The following MINDY4B variants were observed in gnomAD, a reference collection of about 807,000 sequenced individuals.
MINDY4B encodes the protein inactive ubiquitin carboxyl-terminal hydrolase MINDY-4B.
MINDY4B carries 25 observed loss-of-function variants against 16.7 expected under a neutral mutation model. The observed-to-expected ratio is 1.49, with a 90% CI of 1.09 to 2.09. The LOEUF (loss-of-function observed/expected upper bound fraction) is 2.09. MINDY4B is among the 30% of genes most tolerant of loss of function. MINDY4B has a pLI of 0.00. For missense variants in MINDY4B, 327 were observed against 168.4 expected, an observed-to-expected ratio of 1.94 and a Z score of -5.21; for synonymous variants, 132 against 61.9, an observed-to-expected ratio of 2.13 and a Z score of -5.32.
At chr3:150,884,680 C>A (rs1711579275) in intron 8 of MINDY4B, among the ~76,000 whole-genome samples, 1 of 152,170 alleles carries the variant, frequency 6.6e-6, no homozygotes, top group South Asian at 2.1e-4. Flanking sequence ...GCTTCAGGAC[C>A]ACTGCCGCAG....
rs573915143 is a variant in MINDY4B, at chr3:150,896,811, C to T, written c.310-2506G>A. On this transcript the variant is annotated intron_variant, in intron 3 of 11. Transcript: ENST00000465419. The stretch of plus-strand genomic sequence containing the variant: ...GGGGGTGAAATCTATCTAATTAATA[C>T]TTTTCACCAGCTTGGGACACATTTT... Among the ~76,000 whole-genome samples the T allele has an allele frequency of 2.6e-3, 403 of 152,302 alleles. 1 individual carries two copies. Among genetic ancestry groups the T allele is most frequent in the African/African-American group, 9.0e-3 (372 of 41,554 alleles).
chr3:150,898,136 A>G (rs990211277), intron 3 of MINDY4B, among the ~76,000 whole-genome samples: 11 of 152,230 alleles, frequency 7.2e-5, no homozygotes, highest in Non-Finnish European at 1.0e-4. Context: ...TTTGGGAACC[A>G]TAAGTGCTAA....
chr3:150,896,525 A>G (rs1458706327), intron 3 of MINDY4B, among the ~76,000 whole-genome samples: 2 of 152,170 alleles, frequency 1.3e-5, no homozygotes, highest in East Asian at 1.9e-4. Context: ...TGTCAGAAGG[A>G]AAGTCTAGGG....
At chr3:150,875,040 G>A (rs922776923) in intron 10 of MINDY4B, among the ~76,000 whole-genome samples, 4 of 152,316 alleles carry the variant, frequency 2.6e-5, no homozygotes, top group Non-Finnish European at 5.9e-5. Context: ...GTAGGTACAG[G>A]ATTTGTTGGA....
At position 150,894,209 on chromosome 3, in the gene MINDY4B, C is replaced by T; in HGVS notation, c.406G>A (p.Ala136Thr). ...ACCTTTCCCACTTCCAGAGTGAAAG[C>T]TAGTTCAGAAGAAGGATCATGGAAC... ...FRFHDPSSEL[A>T]FTLEVGKGGA... Residue 136 changes from alanine (A) to threonine (T), a missense_variant, in exon 4 of 12, where the codon GCT (alanine) becomes ACT (threonine). By Grantham distance (58) the Ala-to-Thr change is moderately conservative. Transcript: ENST00000465419. 1.4e-6 allele frequency: 1 copy of T among 699,702 alleles called. No individual in the cohort carries two copies. Among genetic ancestry groups the T allele is most frequent in the Non-Finnish European group, 2.6e-6 (1 of 384,050 alleles). 43.3% of individuals were successfully genotyped at this position (699,702 alleles called of 1,614,324 possible).
At chr3:150,883,324 T>G (rs1248516815) in intron 9 of MINDY4B, among the ~76,000 whole-genome samples, 1 of 152,208 alleles carries the variant, frequency 6.6e-6, no homozygotes, top group African/African-American at 2.4e-5. Context: ...TTTTAAACGT[T>G]GTTTTCCATG....
chr3:150,895,795 C>T (rs1711946645), intron 3 of MINDY4B, among the ~76,000 whole-genome samples: 1 of 152,170 alleles, frequency 6.6e-6, no homozygotes, highest in African/African-American at 2.4e-5. Flanking sequence ...TTCTTTCCTT[C>T]ATCTTAACTT....
chr3:150,886,371 G>T (rs749252034), intron 7 of MINDY4B, among the ~76,000 whole-genome samples: 30 of 152,180 alleles, frequency 2.0e-4, no homozygotes, highest in Non-Finnish European at 2.5e-4. Context: ...ACCTGACAGG[G>T]GCCAGGGCCC....
chr3:150,903,245 T>C lies in MINDY4B; in HGVS notation c.309+4A>G, dbSNP rs551100333. 11 of 398,548 alleles carry C rather than the reference T, an allele frequency of 2.8e-5. No homozygotes were observed. The highest frequency in any genetic ancestry group is 1.4e-4 in the African/African-American group (7 of 48,762). The allele number at this position is 398,548 out of a possible 1,614,324, so 24.7% of individuals were successfully genotyped here. ...TTCATGTTTAATTGACAAGCTATACTTACCGTGGCCATTGCTAGGGAGATA... is the reference window on the plus strand; with the variant it reads ...TTCATGTTTAATTGACAAGCTATACCTACCGTGGCCATTGCTAGGGAGATA... On this transcript the variant is annotated splice_donor_region_variant and intron_variant, in intron 3 of 11. Transcript: ENST00000465419.
At chr3:150,890,710 T>C (rs1711776227) in intron 6 of MINDY4B, 1 of 509,356 alleles carries the variant, frequency 2.0e-6, no homozygotes, top group Admixed American at 3.4e-5. Context: ...TTATTTCAGA[T>C]GGGAGATATT....
intron 3 of MINDY4B, among the ~76,000 whole-genome samples, chr3:150,900,755 T>G (rs990207267): frequency 2.0e-5 from 3 of 152,226 alleles, no homozygotes; most frequent in Non-Finnish European, 4.4e-5. Context: ...TACCTTGGCA[T>G]AGTCATGGGG....
At chr3:150,894,965 T>C (rs1262452232) in intron 3 of MINDY4B, among the ~76,000 whole-genome samples, 4 of 152,168 alleles carry the variant, frequency 2.6e-5, no homozygotes, top group African/African-American at 7.2e-5. Context: ...AAAAGTACTA[T>C]GAGAAAACAG....
At chr3:150,877,180 A>G (rs1295212118) in intron 10 of MINDY4B, among the ~76,000 whole-genome samples, 1 of 152,150 alleles carries the variant, frequency 6.6e-6, no homozygotes, top group African/African-American at 2.4e-5. Context: ...GCATTACAGG[A>G]TGGGTTTCAC....
chr3:150,871,182 G>A lies in MINDY4B; in HGVS notation c.1246C>T (p.His416Tyr), dbSNP rs1223983437. ...TGGTCTCTTTCCCAGTGATGGGAGT[G>A]AGTATCTGAAGAAGGAATAGCCAGC... ...KKLVRLTIDT[H>Y]SHHWERDQQE... Residue 416 changes from histidine to tyrosine, a missense_variant, in exon 12 of 12, where the codon CAC (histidine) becomes TAC (tyrosine). By Grantham distance (83) the His-to-Tyr change is moderately conservative. Transcript: ENST00000465419. 1 of 702,596 alleles carries A rather than the reference G, an allele frequency of 1.4e-6. No individual in the cohort carries two copies. Among genetic ancestry groups the A allele is most frequent in the Middle Eastern group, 2.3e-4 (1 of 4,364 alleles). The allele number at this position is 702,596 out of a possible 1,614,324, so 43.5% of individuals were successfully genotyped here.
At chr3:150,894,452 T>C in intron 3 of MINDY4B, 147 bp from the exon 4 acceptor site, 1 of 541,436 alleles carries the variant, frequency 1.8e-6, no homozygotes, top group South Asian at 2.6e-5. Flanking sequence ...TGATTTTAAT[T>C]GTCTGAACTC....
At chr3:150,897,232 G>A (rs895862281) in intron 3 of MINDY4B, among the ~76,000 whole-genome samples, 1 of 152,044 alleles carries the variant, frequency 6.6e-6, no homozygotes, top group African/African-American at 2.4e-5. Context: ...ACAGAGGGGA[G>A]ACTAGACAGA....
Position 150,890,301 on chromosome 3 carries a change from T to C in MINDY4B, c.753+19A>G. 2.0e-6 allele frequency: 1 copy of C among 511,174 alleles called. No individual in the cohort carries two copies. The highest frequency in any genetic ancestry group is 3.5e-6 in the Non-Finnish European group (1 of 287,908). The allele number at this position is 511,174 out of a possible 1,614,324, so 31.7% of individuals were successfully genotyped here. ...GATCAGTCAACATAAAGGAATTATC[T>C]CAACACTTAAACACTTACACATAGT... On this transcript the variant is annotated intron_variant, in intron 7 of 11. Coordinates refer to ENST00000465419, the MANE Select transcript of MINDY4B (RefSeq NM_001351281.2).
intron 4 of MINDY4B, 138 bp from the exon 5 acceptor site, chr3:150,893,553 C>T (rs760437276): frequency 5.8e-5 from 38 of 653,402 alleles, no homozygotes; most frequent in Non-Finnish European, 9.2e-5. Context: ...GCCACTCCTC[C>T]CTGCAGCCGT....
intron 7 of MINDY4B, among the ~76,000 whole-genome samples, chr3:150,887,750 G>A (rs1385223568): frequency 6.6e-6 from 1 of 152,182 alleles, no homozygotes; most frequent in Non-Finnish European, 1.5e-5. Context: ...AAATCGAAAG[G>A]TTAAAACAAT....
Sources: allele counts gnomAD v4.1 joint callset (sites outside exome capture counted in the v4.1 genomes callset), GRCh38; gene constraint gnomAD v4.1.1; transcripts MANE v1.5; gene names NCBI Gene and HGNC (gene_info 2026-07-23, HGNC 2026-07-21).